MS4A4A: variants seen among roughly 807,000 people sequenced by gnomAD.
MS4A4A encodes the protein membrane spanning 4-domains A4A, also known as membrane-spanning 4-domains subfamily A member 4A.
In MS4A4A, 26 loss-of-function variants were observed where a neutral mutation model predicts 28.0. The ratio of observed to expected loss-of-function variants is 0.93; its 90% CI spans 0.68 to 1.29. The LOEUF (loss-of-function observed/expected upper bound fraction) is 1.29. Ranked by LOEUF, MS4A4A falls within the 50% of genes most tolerant of loss-of-function variation. The pLI, the probability that MS4A4A is intolerant of heterozygous loss-of-function variation, is 0.00. For synonymous variants in MS4A4A, 86 were observed against 100.8 expected (o/e 0.85, Z 0.88); for missense variants, 290 against 293.1 (o/e 0.99, Z 0.08).
chr11:60,289,221 C>T (rs898187208), intron 1 of MS4A4A, among the ~76,000 whole-genome samples: 2 of 152,196 alleles, frequency 1.3e-5, no homozygotes, highest in African/African-American at 4.8e-5. Context: ...AGTGTCAGCA[C>T]CACCTCTGGG....
At chr11:60,302,750 A>G (rs2084964727) in intron 5 of MS4A4A, 33 bp downstream of exon 5, 1 of 1,597,108 alleles carries the variant, frequency 6.3e-7, no homozygotes, top group Non-Finnish European at 8.6e-7. Context: ...GGATATTATT[A>G]TAGAAGCAAG....
chr11:60,306,605 C>T lies in MS4A4A; in HGVS notation c.648+404C>T, dbSNP rs114401450. On this transcript the variant is annotated intron_variant, in intron 6 of 6. Coordinates refer to ENST00000337908, the MANE Select transcript of MS4A4A (RefSeq NM_148975.3). ...TAAACTGAAAGTCAACTAGTTAGTA[C>T]CTACACACAGGACTTGTATCTCATC... Among the ~76,000 whole-genome samples the T allele has an allele frequency of 6.1e-3, 923 of 152,260 alleles. 7 individuals are homozygous for T. The highest frequency in any genetic ancestry group is 0.021 in the African/African-American group (885 of 41,548).
chr11:60,296,964 C>A, intron 2 of MS4A4A: 1 of 467,850 alleles, frequency 2.1e-6, no homozygotes, highest in Non-Finnish European at 3.8e-6. Context: ...CTGGTTCTGG[C>A]ATACTCCTTT....
At chr11:60,304,259 T>G (rs1280612563) in intron 5 of MS4A4A, among the ~76,000 whole-genome samples, 1 of 152,214 alleles carries the variant, frequency 6.6e-6, no homozygotes, top group African/African-American at 2.4e-5. Flanking sequence ...AATCTGGAAT[T>G]GGCCAACTTG....
intron 1 of MS4A4A, among the ~76,000 whole-genome samples, 155 bp from the exon 2 acceptor site, chr11:60,292,070 T>C (rs536475383): frequency 3.4e-4 from 52 of 152,296 alleles, no homozygotes; most frequent in African/African-American, 8.4e-4. Flanking sequence ...ACACTTAATG[T>C]GTTGCCTATT....
At position 60,308,131 on chromosome 11, in the gene MS4A4A, T is replaced by G. The variant is rs2085021416; in HGVS notation, c.673T>G (p.Ser225Ala). 10 of 1,613,874 alleles carry G rather than the reference T, an allele frequency of 6.2e-6. No homozygotes were observed. Among genetic ancestry groups the G allele is most frequent in the Non-Finnish European group, 8.5e-6 (10 of 1,179,952 alleles). ...GGVVLILPSH[S>A]HMAETASPTP... ...GGTTGTGTTAATTCTGCCATCACAT[T>G]CTCACATGGCAGAAACAGCATCTCC... The change falls in exon 7 of 7, where the codon TCT (serine) becomes GCT (alanine). Residue 225 changes from serine (S) to alanine (A), a missense_variant. Coordinates refer to ENST00000337908, the MANE Select transcript of MS4A4A (RefSeq NM_148975.3).
chr11:60,301,785 T>G (rs1358277396), intron 4 of MS4A4A, among the ~76,000 whole-genome samples: 1 of 152,122 alleles, frequency 6.6e-6, no homozygotes, highest in Non-Finnish European at 1.5e-5. Flanking sequence ...GGTTTTTGGT[T>G]TTTGGTTTTT....
chr11:60,290,574 T>C (rs948656591), intron 1 of MS4A4A, among the ~76,000 whole-genome samples: 3 of 151,950 alleles, frequency 2.0e-5, no homozygotes, highest in South Asian at 4.1e-4. Context: ...ATTTACATTA[T>C]ATATTTCTTA....
Position 60,306,202 on chromosome 11 carries a change from G to A in MS4A4A, c.648+1G>A, listed in dbSNP as rs1403788639. On this transcript the variant is annotated splice_donor_variant, in intron 6 of 6. Transcript: ENST00000337908. LOFTEE classifies it high-confidence loss of function. The stretch of plus-strand genomic sequence containing the variant: ...AGTGCTCTGTTGTACCCCTGGTGGG[G>A]TGAGTATTGGCCTTCATTTGAAGAT... 2.5e-6 allele frequency: 4 copies of A among 1,607,282 alleles called. No homozygotes were observed. Among genetic ancestry groups the A allele is most frequent in the Non-Finnish European group, 2.6e-6 (3 of 1,173,810 alleles).
chr11:60,292,941 G>A (rs780052610), intron 2 of MS4A4A, among the ~76,000 whole-genome samples: 1 of 152,232 alleles, frequency 6.6e-6, no homozygotes, highest in Non-Finnish European at 1.5e-5. Flanking sequence ...AAATGTCACT[G>A]TGGATATTCT....
chr11:60,282,487 G>C, intron 1 of MS4A4A: 1 of 968,900 alleles, frequency 1.0e-6, no homozygotes, highest in South Asian at 1.5e-5. Context: ...TGTGGGCAAT[G>C]GTGGGGAAGT....
chr11:60,285,917 C>T (rs1196519457), intron 1 of MS4A4A, among the ~76,000 whole-genome samples: 2 of 152,122 alleles, frequency 1.3e-5, no homozygotes, highest in Non-Finnish European at 2.9e-5. Flanking sequence ...TACAATTCAC[C>T]AGGCTGGAAT....
chr11:60,307,300 A>C (rs944741066), intron 6 of MS4A4A, among the ~76,000 whole-genome samples: 2 of 152,122 alleles, frequency 1.3e-5, no homozygotes, highest in Non-Finnish European at 2.9e-5. Context: ...CCACTCCCCC[A>C]CAGCCCTTCC....
intron 3 of MS4A4A, among the ~76,000 whole-genome samples, chr11:60,298,778 G>C (rs997783199): frequency 6.6e-6 from 1 of 152,196 alleles, no homozygotes; most frequent in Non-Finnish European, 1.5e-5. Flanking sequence ...GGAGCCATTT[G>C]TCCGCTGAGA....
chr11:60,301,618 C>T (rs1233620246), intron 4 of MS4A4A, among the ~76,000 whole-genome samples: 5 of 152,090 alleles, frequency 3.3e-5, no homozygotes, highest in Non-Finnish European at 7.4e-5. Context: ...TTTCTTTGTT[C>T]AAAAGATAAA....
chr11:60,291,560 G>A lies in MS4A4A; in HGVS notation c.42-665G>A, dbSNP rs536537596. On this transcript the variant is annotated intron_variant, in intron 1 of 6. Coordinates refer to ENST00000337908, the MANE Select transcript of MS4A4A (RefSeq NM_148975.3). ...CACACCTGTAATTCCAGCACTTTGG[G>A]AGGCCGAGGCGGGCGGATCACAAGG... is the stretch of plus-strand genomic sequence containing the variant. Among the ~76,000 whole-genome samples the A allele has an allele frequency of 6.6e-5, 10 of 152,186 alleles. No homozygotes were observed. The East Asian group carries it at 1.5e-3, about 23-fold the overall frequency.
At chr11:60,293,231 T>C (rs981704575) in intron 2 of MS4A4A, among the ~76,000 whole-genome samples, 2 of 152,156 alleles carry the variant, frequency 1.3e-5, no homozygotes, top group Non-Finnish European at 2.9e-5. Context: ...CTAATTTTTG[T>C]ATTTTTAGTA....
Position 60,302,639 on chromosome 11 carries a change from G to T in MS4A4A, c.468G>T (p.Ala156=), listed in dbSNP as rs548489124. 1 of 1,613,986 alleles carries T rather than the reference G, an allele frequency of 6.2e-7. No homozygotes were observed. The highest frequency in any genetic ancestry group is 1.7e-5 in the Admixed American group (1 of 60,020). The change falls in exon 5 of 7, where the codon GCG becomes GCT. Residue 156 remains alanine (A), a synonymous_variant. Coordinates refer to ENST00000337908, the MANE Select transcript of MS4A4A (RefSeq NM_148975.3). ...SGILINTFSL[A]FYSFHHPYCN... is the part of the protein sequence containing the mutation. ...TCTTAATCAACACATTTAGCTTGGC[G>T]TTTTATTCATTCCATCACCCTTACT...
At chr11:60,286,701 T>TTA (rs1388706482) in intron 1 of MS4A4A, among the ~76,000 whole-genome samples, 2 of 152,218 alleles carry the variant, frequency 1.3e-5, no homozygotes, top group East Asian at 3.8e-4. Context: ...GTACAGGTAA[T>TTA]TATTCTCTTT....
Sources: gnomAD v4.1 joint callset for allele counts (sites outside exome capture counted in the v4.1 genomes callset) on GRCh38, gnomAD v4.1.1 for gene constraint, MANE v1.5 for transcripts, NCBI Gene and HGNC (gene_info 2026-07-23, HGNC 2026-07-21) for gene names.